Variants in CASD1 observed in about 807,000 individuals in gnomAD.
The protein encoded by CASD1 is CAS1 domain sialic acid O acetyltransferase 1.
In CASD1, 41 loss-of-function variants were observed where a neutral mutation model predicts 100.0. The observed-to-expected ratio is 0.41, with a 90% CI of 0.32 to 0.53. CASD1 has a LOEUF of 0.53. CASD1 is among the 20% of genes least tolerant of loss of function. The probability of loss-of-function intolerance (pLI) is 0.25; values close to 1 mark genes in which losing one functional copy is unlikely to be tolerated. For missense variants in CASD1, 774 were observed against 948.7 expected, an observed-to-expected ratio of 0.82 and a Z score of 2.42; for synonymous variants, 321 against 315.6, an observed-to-expected ratio of 1.02 and a Z score of -0.18.
At chr7:94,526,221 T>C (rs1794557778) in intron 3 of CASD1, among the ~76,000 whole-genome samples, 1 of 152,216 alleles carries the variant, frequency 6.6e-6, no homozygotes. Flanking sequence ...TTGCATGTCC[T>C]AGGTGGGCTG....
chr7:94,598,818 C>A, the CASD1 span: 3 of 1,613,490 alleles, frequency 1.9e-6, no homozygotes, highest in Non-Finnish European at 2.5e-6. Flanking sequence ...TCATAGTTGT[C>A]TGTGTGTAAA....
At chr7:94,572,058 T>C in the CASD1 span, among the ~76,000 whole-genome samples, 1 of 152,190 alleles carries the variant, frequency 6.6e-6, no homozygotes, top group South Asian at 2.1e-4. Context: ...TTTTGTCTAA[T>C]GAAGTTAATA....
At chr7:94,521,114 G>A (rs989196405) in intron 3 of CASD1, among the ~76,000 whole-genome samples, 4 of 151,972 alleles carry the variant, frequency 2.6e-5, no homozygotes, top group African/African-American at 4.8e-5. Context: ...AAGAATAGTA[G>A]CATTAAAGTT....
the CASD1 span, chr7:94,624,510 A>G: frequency 3.2e-6 from 1 of 307,722 alleles, no homozygotes; most frequent in East Asian, 5.0e-5. Context: ...CCAAATTTCC[A>G]TCATATTTAA....
At chr7:94,578,997 A>G in the CASD1 span, among the ~76,000 whole-genome samples, 1 of 151,896 alleles carries the variant, frequency 6.6e-6, no homozygotes, top group African/African-American at 2.4e-5. Context: ...AACCTTCATA[A>G]CTTTTATATT....
At chr7:94,535,639 T>A in intron 8 of CASD1, 116 bp downstream of exon 8, 1 of 719,646 alleles carries the variant, frequency 1.4e-6, no homozygotes, top group Non-Finnish European at 2.3e-6. Flanking sequence ...TAGTAACTTG[T>A]AGTTATTGTG....
intron 15 of CASD1, chr7:94,551,933 A>T (rs920562591): frequency 4.8e-5 from 8 of 165,648 alleles, no homozygotes; most frequent in African/African-American, 7.2e-5. Flanking sequence ...TAAATGCTTG[A>T]GGCGATGTAT....
At chr7:94,562,598 T>A in the CASD1 span, among the ~76,000 whole-genome samples, 2 of 152,128 alleles carry the variant, frequency 1.3e-5, no homozygotes, top group South Asian at 4.1e-4. Flanking sequence ...GTTCACTTCA[T>A]GTGTTTCTTT....
chr7:94,552,655 CT>C (rs1262207392), intron 16 of CASD1, among the ~76,000 whole-genome samples: 2 of 152,022 alleles, frequency 1.3e-5, no homozygotes, highest in East Asian at 3.9e-4. Context: ...TTAATCTGCC[CT>C]TAGAAAATGG....
chr7:94,515,019 TG>T (rs1341920874), intron 1 of CASD1, among the ~76,000 whole-genome samples: 1 of 152,132 alleles, frequency 6.6e-6, no homozygotes, highest in Non-Finnish European at 1.5e-5. Context: ...GAGTTTTTTC[TG>T]GATCAGGTTA....
the CASD1 span, chr7:94,600,753 G>A: frequency 6.2e-7 from 1 of 1,613,674 alleles, no homozygotes; most frequent in Non-Finnish European, 8.5e-7. Context: ...AATAGTCTCT[G>A]CTTTTCAAAG....
downstream of CASD1, among the ~76,000 whole-genome samples, chr7:94,561,445 C>T (rs979382873): frequency 1.3e-5 from 2 of 152,088 alleles, no homozygotes; most frequent in African/African-American, 4.8e-5. Context: ...TCTATGGATG[C>T]TTTTTGGGAA....
chr7:94,545,483 G>C (rs149572070), intron 11 of CASD1, 62 bp from the exon 12 acceptor site: 1 of 1,308,658 alleles, frequency 7.6e-7, no homozygotes, highest in South Asian at 1.4e-5. Context: ...TTTGCTGTTC[G>C]TGTGTACCTA....
chr7:94,535,579 G>A, intron 8 of CASD1, 56 bp downstream of exon 8: 1 of 1,236,574 alleles, frequency 8.1e-7, no homozygotes, highest in Non-Finnish European at 1.2e-6. Flanking sequence ...ATTGCTTTAA[G>A]CCATAAGTCA....
chr7:94,632,949 C>T, the CASD1 span, among the ~76,000 whole-genome samples: 1 of 152,184 alleles, frequency 6.6e-6, no homozygotes, highest in South Asian at 2.1e-4. Flanking sequence ...GCCCAGGCAG[C>T]ACTCACAAAC....
chr7:94,553,781 AG>A (rs1464199101), intron 16 of CASD1: 1 of 145,308 alleles, frequency 6.9e-6, no homozygotes, highest in East Asian at 2.0e-4. Flanking sequence ...CATGTACCCT[AG>A]AACTTAAATA....
chr7:94,632,830 G>C, the CASD1 span, among the ~76,000 whole-genome samples: 1 of 151,978 alleles, frequency 6.6e-6, no homozygotes, highest in Non-Finnish European at 1.5e-5. Context: ...AGAATTCGAA[G>C]CTATAGGTTC....
chr7:94,592,829 A>C, the CASD1 span, among the ~76,000 whole-genome samples: 5 of 152,170 alleles, frequency 3.3e-5, no homozygotes, highest in African/African-American at 7.2e-5. Flanking sequence ...GATTTGCATA[A>C]AGCCACAGAA....
rs550626674 is a variant in CASD1 at position 94,545,581 on chromosome 7, T to A, written c.1513T>A (p.Cys505Ser). 5.6e-6 allele frequency: 9 copies of A among 1,608,434 alleles called. No homozygotes were observed. In the East Asian group the frequency reaches 1.6e-4, roughly 28 times the overall value. ...FRLNFLVVVL[C>S]IVMDRPYQFY... Reference sequence around the variant, plus strand: ...TCTCAATTTCCTGGTAGTGGTGTTATGTATAGTAATGGATCGACCTTATCA... The same window carrying A: ...TCTCAATTTCCTGGTAGTGGTGTTAAGTATAGTAATGGATCGACCTTATCA... The change falls in exon 12 of 18, where the codon TGT becomes AGT. Residue 505 changes from cysteine (C) to serine (S), a missense_variant. Coordinates refer to ENST00000297273, the MANE Select transcript of CASD1 (RefSeq NM_022900.5).
Sources: allele counts gnomAD v4.1 joint callset (sites outside exome capture counted in the v4.1 genomes callset), GRCh38; gene constraint gnomAD v4.1.1; transcripts MANE v1.5; gene names NCBI Gene and HGNC (gene_info 2026-07-23, HGNC 2026-07-21).